Variants in CCDC3 observed in about 807,000 individuals in gnomAD.
The protein encoded by CCDC3 is coiled-coil domain-containing protein 3.
CCDC3 carries 24 observed loss-of-function variants against 21.4 expected under a neutral mutation model. That is an observed-to-expected ratio of 1.12 (90% confidence interval 0.81 to 1.58). The LOEUF (loss-of-function observed/expected upper bound fraction) is 1.58. Among genes scored for constraint, CCDC3 ranks in the 40% most tolerant of loss-of-function variants. CCDC3 has a pLI of 0.00. For synonymous variants in CCDC3, 186 were observed against 166.0 expected, an observed-to-expected ratio of 1.12 and a Z score of -0.93; for missense variants, 425 against 360.9, an observed-to-expected ratio of 1.18 and a Z score of -1.44.
At chr10:12,924,667 A>C (rs2131220282) in intron 2 of CCDC3, 1 of 152,294 alleles carries the variant, frequency 6.6e-6, no homozygotes, top group East Asian at 1.9e-4. Flanking sequence ...GGGCTTTCCA[A>C]CTGGAGTATC....
intron 2 of CCDC3, among the ~76,000 whole-genome samples, chr10:12,986,412 T>A (rs1835591214): frequency 6.6e-6 from 1 of 152,180 alleles, no homozygotes; most frequent in African/African-American, 2.4e-5. Context: ...CTGGGACCCG[T>A]CTGTACATTT....
intron 1 of CCDC3, among the ~76,000 whole-genome samples, chr10:13,000,181 C>T (rs1461212966): frequency 1.3e-5 from 2 of 152,176 alleles, no homozygotes; most frequent in Non-Finnish European, 1.5e-5. Flanking sequence ...GAACTACAAC[C>T]GATCACCCCA....
chr10:12,896,964 AAG>A lies in CCDC3; in HGVS notation c.*1450_*1451del, dbSNP rs1239482871. 6.6e-6 allele frequency: 1 copy of A among 152,332 alleles called. No homozygotes were observed. Among genetic ancestry groups the A allele is most frequent in the Non-Finnish European group, 1.5e-5 (1 of 68,174 alleles). 9.4% of individuals were successfully genotyped at this position (152,332 alleles called of 1,614,324 possible). ...CCTGCCACCAAGACTCAAGCAACGT[AAG>A]AGTCATCTCCCCAGACTGGCTGTCA... is the stretch of plus-strand genomic sequence containing the variant. On this transcript the variant is annotated 3_prime_UTR_variant, in exon 3 of 3. Coordinates refer to ENST00000378825, the MANE Select transcript of CCDC3 (RefSeq NM_031455.4).
intron 4 of CCDC3, among the ~76,000 whole-genome samples, chr10:13,050,579 G>A (rs998052969): frequency 2.0e-5 from 3 of 148,344 alleles, no homozygotes; most frequent in Non-Finnish European, 4.4e-5. Flanking sequence ...TCCTGCCTCA[G>A]CCTCCTGAGT....
chr10:12,906,015 G>A (rs892226444), intron 2 of CCDC3, among the ~76,000 whole-genome samples: 3 of 152,306 alleles, frequency 2.0e-5, no homozygotes, highest in South Asian at 4.1e-4. Flanking sequence ...GCCTTTTGGC[G>A]TTTTCCATAA....
chr10:13,087,744 C>T (rs990042630), intron 3 of CCDC3, among the ~76,000 whole-genome samples: 2 of 151,992 alleles, frequency 1.3e-5, no homozygotes, highest in Non-Finnish European at 2.9e-5. Context: ...GAGAAACTGG[C>T]GCAGAGAGCT....
At chr10:12,912,105 G>T (rs997210031) in intron 2 of CCDC3, among the ~76,000 whole-genome samples, 1 of 152,196 alleles carries the variant, frequency 6.6e-6, no homozygotes, top group African/African-American at 2.4e-5. Flanking sequence ...CAGTGAACAT[G>T]GGAGTGTAGA....
intron 2 of CCDC3, among the ~76,000 whole-genome samples, chr10:12,939,825 A>AACAACG (rs1475337961): frequency 6.6e-6 from 1 of 152,242 alleles, no homozygotes; most frequent in Non-Finnish European, 1.5e-5. Context: ...GAGTAACAAC[A>AACAACG]ACAACGACAA....
At chr10:12,996,537 T>C (rs942605553) in intron 2 of CCDC3, among the ~76,000 whole-genome samples, 5 of 152,224 alleles carry the variant, frequency 3.3e-5, no homozygotes, top group Admixed American at 1.3e-4. Flanking sequence ...GGTTTCGCCA[T>C]GTTGGCCAGG....
At chr10:13,003,937 A>C (rs546998648), upstream of CCDC3, among the ~76,000 whole-genome samples, 1 of 152,322 alleles carries the variant, frequency 6.6e-6, no homozygotes, top group South Asian at 2.1e-4. Flanking sequence ...CTCCCCTGTA[A>C]GATCTGGCAG....
intron 3 of CCDC3, among the ~76,000 whole-genome samples, chr10:13,097,963 T>C (rs897360049): frequency 1.3e-5 from 2 of 152,198 alleles, no homozygotes; most frequent in East Asian, 3.8e-4. Flanking sequence ...GAAAAGAGGT[T>C]TGGTCCTTAG....
chr10:13,074,484 C>T (rs12780107), intron 3 of CCDC3, among the ~76,000 whole-genome samples: 8 of 151,306 alleles, frequency 5.3e-5, no homozygotes, highest in Non-Finnish European at 1.0e-4. Flanking sequence ...CCACAACCGG[C>T]GGAATCAAAT....
intron 2 of CCDC3, among the ~76,000 whole-genome samples, chr10:12,904,694 AG>A (rs1190548228): frequency 6.6e-6 from 1 of 152,072 alleles, no homozygotes; most frequent in Non-Finnish European, 1.5e-5. Flanking sequence ...TCTTCCTATA[AG>A]TTTCCTGGTT....
At chr10:13,039,974 G>A (rs1276167445) in intron 5 of CCDC3, among the ~76,000 whole-genome samples, 1 of 151,762 alleles carries the variant, frequency 6.6e-6, no homozygotes, top group Non-Finnish European at 1.5e-5. Flanking sequence ...CGCTGACATT[G>A]GTAAATGGTC....
chr10:12,904,942 A>G (rs1041211032), intron 2 of CCDC3, among the ~76,000 whole-genome samples: 2 of 152,140 alleles, frequency 1.3e-5, no homozygotes, highest in African/African-American at 4.8e-5. Flanking sequence ...AAAAGACAGT[A>G]TGTTTTTTTA....
rs138720202 is a variant in CCDC3 at position 13,036,901 on chromosome 10, T to A, written c.-2+12773A>T. Among the ~76,000 whole-genome samples the A allele has an allele frequency of 3.0e-4, 46 of 152,068 alleles. No individual in the cohort carries two copies. The East Asian group carries it at 8.5e-3, about 28-fold the overall frequency. On this transcript the variant is annotated intron_variant, in intron 5 of 6. Coordinates refer to the CCDC3 transcript ENST00000378839. ...CTCAAGCAATCCTCTCATCTCAGTA[T>A]CCAGCATAGCTAGGACTACAGGCAT...
At chr10:13,012,892 C>G (rs1398676874) in intron 5 of CCDC3, among the ~76,000 whole-genome samples, 1 of 151,986 alleles carries the variant, frequency 6.6e-6, no homozygotes, top group African/African-American at 2.4e-5. Flanking sequence ...GCATGTGTAC[C>G]CTGAACCTAA....
intron 3 of CCDC3, among the ~76,000 whole-genome samples, chr10:13,090,169 A>C (rs544552313): frequency 1.3e-5 from 2 of 149,050 alleles, no homozygotes; most frequent in East Asian, 4.0e-4. Flanking sequence ...GCTCACTGCA[A>C]TCTCCACCAC....
chr10:12,955,701 T>C (rs1180149630), intron 2 of CCDC3, among the ~76,000 whole-genome samples: 3 of 151,746 alleles, frequency 2.0e-5, no homozygotes, highest in Non-Finnish European at 4.4e-5. Flanking sequence ...TATAGGTGTG[T>C]GCCACCATGC....
Sources: allele counts gnomAD v4.1 joint callset (sites outside exome capture counted in the v4.1 genomes callset), GRCh38; gene constraint gnomAD v4.1.1; transcripts MANE v1.5; gene names NCBI Gene and HGNC (gene_info 2026-07-23, HGNC 2026-07-21).